CCDC102B: variants seen among roughly 807,000 people sequenced by gnomAD.
The protein encoded by CCDC102B is coiled-coil domain-containing protein 102B.
CCDC102B carries 75 observed loss-of-function variants against 57.4 expected under a neutral mutation model. The observed-to-expected ratio is 1.31, with a 90% CI of 1.08 to 1.58. The LOEUF is 1.58. CCDC102B is among the 40% of genes most tolerant of loss of function. CCDC102B has a pLI of 0.00. For missense variants in CCDC102B, 636 were observed against 582.6 expected (o/e 1.09, Z -0.94); for synonymous variants, 206 against 201.9 (o/e 1.02, Z -0.17).
chr18:68,942,925 A>T (rs2049422824), intron 6 of CCDC102B, among the ~76,000 whole-genome samples: 1 of 95,826 alleles, frequency 1.0e-5, no homozygotes, highest in South Asian at 3.1e-4. Flanking sequence ...TCCTAGGCAG[A>T]GGTCCCTGCG....
At chr18:69,042,589 C>T (rs1197332724) in intron 7 of CCDC102B, among the ~76,000 whole-genome samples, 1 of 152,032 alleles carries the variant, frequency 6.6e-6, no homozygotes, top group Admixed American at 6.6e-5. Flanking sequence ...GCACCCTGTA[C>T]CTCAGTACCC....
intron 7 of CCDC102B, among the ~76,000 whole-genome samples, chr18:69,016,026 C>CTT (rs68178005): frequency 7.8e-6 from 1 of 128,958 alleles, no homozygotes; most frequent in Non-Finnish European, 1.7e-5. Context: ...GGCTAATTTT[C>CTT]TTTTTTTTTT....
At chr18:69,018,332 A>G (rs940635301) in intron 7 of CCDC102B, among the ~76,000 whole-genome samples, 7 of 152,158 alleles carry the variant, frequency 4.6e-5, no homozygotes, top group Non-Finnish European at 8.8e-5. Flanking sequence ...TTTAATTTAA[A>G]TTTTTTGGGG....
At chr18:68,938,430 T>A (rs1204322609) in intron 6 of CCDC102B, among the ~76,000 whole-genome samples, 1 of 151,958 alleles carries the variant, frequency 6.6e-6, no homozygotes, top group Non-Finnish European at 1.5e-5. Context: ...AAATTAGAAT[T>A]TATACATTTT....
At chr18:69,005,935 A>G (rs2051329350) in intron 6 of CCDC102B, among the ~76,000 whole-genome samples, 1 of 151,920 alleles carries the variant, frequency 6.6e-6, no homozygotes, top group Non-Finnish European at 1.5e-5. Flanking sequence ...AGATTTACAG[A>G]GTTTTACATG....
At chr18:68,828,245 A>G (rs1009877753) in intron 1 of CCDC102B, among the ~76,000 whole-genome samples, 1 of 149,500 alleles carries the variant, frequency 6.7e-6, no homozygotes, top group Non-Finnish European at 1.5e-5. Context: ...CATTTATAGA[A>G]CATTCCACCA....
intron 7 of CCDC102B, among the ~76,000 whole-genome samples, chr18:69,043,210 T>G (rs1371966628): frequency 6.6e-6 from 1 of 152,158 alleles, no homozygotes; most frequent in Non-Finnish European, 1.5e-5. Flanking sequence ...AAAGCAGTAT[T>G]GCTGCCCACA....
chr18:68,764,204 G>A (rs538498139), intron 2 of CCDC102B, among the ~76,000 whole-genome samples: 45 of 152,024 alleles, frequency 3.0e-4, no homozygotes, highest in African/African-American at 8.7e-4. Context: ...TTTCCCTTCC[G>A]TATACTTTTT....
chr18:68,829,440 T>C (rs994869262), intron 1 of CCDC102B, among the ~76,000 whole-genome samples: 1 of 152,014 alleles, frequency 6.6e-6, no homozygotes, highest in Non-Finnish European at 1.5e-5. Flanking sequence ...ATGTAAAGAA[T>C]GTACTGTTGG....
intron 2 of CCDC102B, among the ~76,000 whole-genome samples, chr18:68,759,746 A>G (rs1001640377): frequency 6.6e-6 from 1 of 152,098 alleles, no homozygotes; most frequent in Non-Finnish European, 1.5e-5. Context: ...AGAAAACAGG[A>G]TATCCAATAC....
At chr18:68,992,156 A>G (rs1218095359) in intron 6 of CCDC102B, among the ~76,000 whole-genome samples, 1 of 152,036 alleles carries the variant, frequency 6.6e-6, no homozygotes, top group Non-Finnish European at 1.5e-5. Flanking sequence ...ACGTAGGGAC[A>G]TTTAAGTAAT....
At chr18:68,838,076 C>A (rs2037464371) in intron 2 of CCDC102B, among the ~76,000 whole-genome samples, 1 of 152,054 alleles carries the variant, frequency 6.6e-6, no homozygotes, top group South Asian at 2.1e-4. Flanking sequence ...TAAACCAGGG[C>A]AAATTTAAAT....
At chr18:69,011,215 C>T (rs1244638113) in intron 7 of CCDC102B, 111 bp downstream of exon 7, 11 of 961,584 alleles carry the variant, frequency 1.1e-5, no homozygotes, top group African/African-American at 1.7e-5. Context: ...TATAAATATT[C>T]ATATCTTAAT....
chr18:68,737,241 C>T (rs937487561), intron 2 of CCDC102B, among the ~76,000 whole-genome samples: 12 of 152,070 alleles, frequency 7.9e-5, no homozygotes, highest in African/African-American at 2.2e-4. Context: ...TCCCTGGGGA[C>T]GCTCATGTAC....
rs1051531828 is a variant in CCDC102B at position 68,717,341 on chromosome 18, G to A, written c.-67+747G>A. ...ATATACACTGGATCACTGGATTGGG[G>A]AGAAAGTATAAAACTGTAAAATGTC... On this transcript the variant is annotated intron_variant, in intron 2 of 3. Transcript: ENST00000578970. 3.3e-5 allele frequency among the ~76,000 whole-genome samples: 5 copies of A among 152,296 alleles called. No homozygotes were observed. In the East Asian group the frequency reaches 7.7e-4, roughly 24 times the overall value.
intron 6 of CCDC102B, among the ~76,000 whole-genome samples, chr18:68,899,118 TGGTG>T (rs1599655446): frequency 2.7e-3 from 1 of 376 alleles, no homozygotes; most frequent in East Asian, 0.17. Context: ...ATGGTGAGGG[TGGTG>T]GTTGGTGATT....
chr18:68,753,689 C>T (rs2033945212), intron 2 of CCDC102B: 1 of 151,714 alleles, frequency 6.6e-6, no homozygotes, highest in Admixed American at 6.6e-5. Context: ...ATAGCTAGGA[C>T]CAGAGGGTAT....
intron 6 of CCDC102B, among the ~76,000 whole-genome samples, chr18:68,995,143 A>G (rs1292263440): frequency 1.3e-5 from 2 of 152,178 alleles, no homozygotes; most frequent in African/African-American, 4.8e-5. Context: ...CCCCTGCCCT[A>G]AAGATCTGTG....
chr18:68,943,634 A>G (rs947640265), intron 6 of CCDC102B, among the ~76,000 whole-genome samples: 9 of 152,164 alleles, frequency 5.9e-5, no homozygotes, highest in Admixed American at 2.0e-4. Context: ...CAGACACTGA[A>G]TGAGTACTTC....
Sources: gnomAD v4.1 joint callset for allele counts (sites outside exome capture counted in the v4.1 genomes callset) on GRCh38, gnomAD v4.1.1 for gene constraint, MANE v1.5 for transcripts, NCBI Gene and HGNC (gene_info 2026-07-23, HGNC 2026-07-21) for gene names.